TMEM217B: variants seen among roughly 807,000 people sequenced by gnomAD.
TMEM217B encodes transmembrane protein 217B.
chr6:37,252,585 GTGTA>G, the TMEM217B span, among the ~76,000 whole-genome samples: 2 of 29,684 alleles, frequency 6.7e-5, no homozygotes, highest in African/African-American at 4.2e-4. Flanking sequence ...GCACGTGTAC[GTGTA>G]TGTGTGTGTG....
At chr6:37,215,464 G>A in the TMEM217B span, among the ~76,000 whole-genome samples, 2 of 150,400 alleles carry the variant, frequency 1.3e-5, no homozygotes, top group Non-Finnish European at 2.9e-5. Flanking sequence ...TACCTGGGAG[G>A]CTGAGGCAGC....
At chr6:37,252,233 G>T in the TMEM217B span, among the ~76,000 whole-genome samples, 1 of 152,080 alleles carries the variant, frequency 6.6e-6, no homozygotes, top group Non-Finnish European at 1.5e-5. Context: ...CTTGAAAGAA[G>T]AATAATATTC....
the TMEM217B span, among the ~76,000 whole-genome samples, chr6:37,249,130 A>G: frequency 1.2e-4 from 18 of 152,312 alleles, no homozygotes; most frequent in East Asian, 3.3e-3. Flanking sequence ...CTTTAACTTA[A>G]TATCTGTTAA....
At chr6:37,244,779 G>GGCTGA in the TMEM217B span, among the ~76,000 whole-genome samples, 1 of 152,204 alleles carries the variant, frequency 6.6e-6, no homozygotes, top group East Asian at 1.9e-4. Flanking sequence ...GGCTGGGCTG[G>GGCTGA]GCTGAGCTGA....
At chr6:37,253,979 T>C in the TMEM217B span, among the ~76,000 whole-genome samples, 1 of 152,210 alleles carries the variant, frequency 6.6e-6, no homozygotes, top group Non-Finnish European at 1.5e-5. Context: ...AACCCTCTTT[T>C]GAATGAAGAT....
At chr6:37,212,846 C>T in the TMEM217B span, 17 of 1,230,570 alleles carry the variant, frequency 1.4e-5, no homozygotes, top group African/African-American at 9.0e-5. Context: ...TTTGAGTCCA[C>T]GTAGATGCTG....
chr6:37,254,100 G>T, the TMEM217B span, among the ~76,000 whole-genome samples: 1 of 152,196 alleles, frequency 6.6e-6, no homozygotes. Context: ...AGTAACAGAA[G>T]ATCTATAAAG....
At chr6:37,243,798 C>T in the TMEM217B span, among the ~76,000 whole-genome samples, 2 of 152,048 alleles carry the variant, frequency 1.3e-5, no homozygotes, top group Admixed American at 1.3e-4. Flanking sequence ...GAGCAGAGGA[C>T]TAGGGAATGG....
chr6:37,233,775 G>GTTGCTAACTAACT, the TMEM217B span, among the ~76,000 whole-genome samples: 1 of 152,108 alleles, frequency 6.6e-6, no homozygotes. Flanking sequence ...GCTAACTAAC[G>GTTGCTAACTAACT]AAGTTACTAA....
At chr6:37,220,076 C>T in the TMEM217B span, among the ~76,000 whole-genome samples, 1 of 151,978 alleles carries the variant, frequency 6.6e-6, no homozygotes, top group Non-Finnish European at 1.5e-5. Context: ...AAAATAAGAA[C>T]TATACAAAAG....
At chr6:37,244,790 G>C in the TMEM217B span, among the ~76,000 whole-genome samples, 1 of 152,226 alleles carries the variant, frequency 6.6e-6, no homozygotes. Context: ...GCTGAGCTGA[G>C]CTGATCTCAG....
the TMEM217B span, chr6:37,212,362 TCCATTGTTGAGGAACA>T: frequency 8.1e-6 from 3 of 369,478 alleles, no homozygotes; most frequent in Non-Finnish European, 1.1e-5. Context: ...TAGGGAGGGT[TCCATTGTTGAGGAACA>T]CCATTCCCTC....
the TMEM217B span, among the ~76,000 whole-genome samples, chr6:37,226,308 T>C: frequency 1.7e-5 from 2 of 118,920 alleles, no homozygotes; most frequent in Admixed American, 8.7e-5. Context: ...TTTTTTTTTT[T>C]TTGAGACAGA....
the TMEM217B span, among the ~76,000 whole-genome samples, chr6:37,254,504 T>C: frequency 6.6e-6 from 1 of 152,316 alleles, no homozygotes; most frequent in South Asian, 2.1e-4. Flanking sequence ...GAATACAATC[T>C]TTCTCAGAGA....
At chr6:37,247,572 G>C in the TMEM217B span, among the ~76,000 whole-genome samples, 74 of 152,132 alleles carry the variant, frequency 4.9e-4, no homozygotes, top group Admixed American at 1.8e-3. Context: ...ATTTTTGGTA[G>C]AGATGGGGTT....
the TMEM217B span, among the ~76,000 whole-genome samples, chr6:37,228,849 T>C: frequency 6.6e-6 from 1 of 151,262 alleles, no homozygotes; most frequent in Admixed American, 6.6e-5. Flanking sequence ...CACAAAAAAT[T>C]AGCTGGGCGT....
the TMEM217B span, among the ~76,000 whole-genome samples, chr6:37,237,227 C>G: frequency 6.6e-6 from 1 of 152,174 alleles, no homozygotes. Flanking sequence ...TGAGTGTTCA[C>G]AATCAAAGTT....
the TMEM217B span, among the ~76,000 whole-genome samples, chr6:37,234,758 T>A: frequency 6.6e-6 from 1 of 151,646 alleles, no homozygotes; most frequent in Non-Finnish European, 1.5e-5. Context: ...ATAAAATAAA[T>A]ATCGGTATAC....
the TMEM217B span, among the ~76,000 whole-genome samples, chr6:37,234,810 A>G: frequency 1.1e-4 from 17 of 152,336 alleles, no homozygotes; most frequent in Admixed American, 9.1e-4. Flanking sequence ...GAGGGGAAAT[A>G]GAAGAACTGA....
Sources: allele counts gnomAD v4.1 joint callset (sites outside exome capture counted in the v4.1 genomes callset), GRCh38; gene constraint gnomAD v4.1.1; transcripts MANE v1.5; gene names NCBI Gene and HGNC (gene_info 2026-07-23, HGNC 2026-07-21).